Variants in CSMD1 observed in about 807,000 individuals in gnomAD.
The protein encoded by CSMD1 is CUB and Sushi multiple domains 1.
Under a neutral mutation model 417.5 loss-of-function variants are expected in CSMD1, and 213 were observed. That is an observed-to-expected ratio of 0.51 (90% CI 0.46 to 0.57). CSMD1 has a LOEUF of 0.57. Among genes scored for constraint, CSMD1 ranks in the 20% least tolerant of loss-of-function variants. The pLI, the probability that CSMD1 is intolerant of heterozygous loss-of-function variation, is 0.00. For synonymous variants in CSMD1, 2,862 were observed against 1,736.8 expected, an observed-to-expected ratio of 1.65 and a Z score of -16.11; for missense variants, 6,923 against 4,529.7, an observed-to-expected ratio of 1.53 and a Z score of -15.17.
intron 57 of CSMD1, among the ~76,000 whole-genome samples, chr8:2,969,079 C>A (rs1001128041): frequency 6.6e-6 from 1 of 152,020 alleles, no homozygotes; most frequent in Non-Finnish European, 1.5e-5. Flanking sequence ...TAAACCTGAG[C>A]AATCAATTTA....
chr8:3,689,764 C>T (rs1012625970), intron 7 of CSMD1, among the ~76,000 whole-genome samples: 1 of 152,074 alleles, frequency 6.6e-6, no homozygotes, highest in African/African-American at 2.4e-5. Context: ...AGCAGAGGCC[C>T]AGAGTTATAA....
chr8:4,411,260 T>A (rs77579838), intron 3 of CSMD1, among the ~76,000 whole-genome samples: 11 of 152,198 alleles, frequency 7.2e-5, no homozygotes, highest in African/African-American at 2.7e-4. Context: ...AAATTGATTA[T>A]GAAATGGGCT....
At chr8:3,557,911 C>T (rs1177295809) in intron 10 of CSMD1, among the ~76,000 whole-genome samples, 1 of 152,180 alleles carries the variant, frequency 6.6e-6, no homozygotes, top group Non-Finnish European at 1.5e-5. Context: ...ATACGGTCAA[C>T]TCCCTAAATA....
intron 3 of CSMD1, among the ~76,000 whole-genome samples, chr8:4,264,254 G>C (rs185701918): frequency 1.2e-3 from 186 of 152,218 alleles, no homozygotes; most frequent in Admixed American, 2.3e-3. Context: ...ATAATTTTAA[G>C]AATAGACTCA....
At chr8:4,442,273 A>G (rs1424041357) in intron 2 of CSMD1, among the ~76,000 whole-genome samples, 3 of 152,166 alleles carry the variant, frequency 2.0e-5, no homozygotes, top group Non-Finnish European at 4.4e-5. Context: ...TGTTTTTATA[A>G]CAGTAAAAAA....
At position 3,145,995 on chromosome 8, in the gene CSMD1, A is replaced by C. The variant is rs190333826; in HGVS notation, c.6032-3321T>G. 1.1e-4 allele frequency among the ~76,000 whole-genome samples: 16 copies of C among 152,342 alleles called. No homozygotes were observed. The East Asian group carries it at 2.9e-3, about 28-fold the overall frequency. On this transcript the variant is annotated intron_variant, in intron 40 of 69. Transcript: ENST00000635120. ...TAAACCCTAGTTTTTAGTTGATAGA[A>C]CCTGTGAATATTACTTCCTCTGTTT... is the stretch of plus-strand genomic sequence containing the variant.
At chr8:4,435,245 T>G (rs560705293) in intron 2 of CSMD1, among the ~76,000 whole-genome samples, 1 of 151,860 alleles carries the variant, frequency 6.6e-6, no homozygotes, top group African/African-American at 2.4e-5. Context: ...TTGAAAAAAA[T>G]GTATGTTTTA....
intron 2 of CSMD1, among the ~76,000 whole-genome samples, chr8:4,461,586 C>A (rs184059943): frequency 1.3e-5 from 2 of 150,014 alleles, no homozygotes; most frequent in East Asian, 3.9e-4. Flanking sequence ...TACATCATCC[C>A]GTTGCCCAGT....
chr8:4,489,563 CA>C (rs1372355674), intron 2 of CSMD1, among the ~76,000 whole-genome samples: 2 of 152,110 alleles, frequency 1.3e-5, no homozygotes, highest in African/African-American at 4.8e-5. Context: ...ATGAAGGTGC[CA>C]CCCTCCCCAT....
At chr8:3,586,948 C>A (rs532577867) in intron 8 of CSMD1, among the ~76,000 whole-genome samples, 16 of 152,234 alleles carry the variant, frequency 1.1e-4, no homozygotes, top group African/African-American at 3.8e-4. Flanking sequence ...TACAGATGTG[C>A]ACAACTAGGC....
chr8:4,445,747 T>G (rs1173287230), intron 2 of CSMD1, among the ~76,000 whole-genome samples: 1 of 147,478 alleles, frequency 6.8e-6, no homozygotes, highest in Non-Finnish European at 1.5e-5. Context: ...TATCCAATAA[T>G]AGACGGTCCT....
chr8:4,217,070 C>G lies in CSMD1; in HGVS notation c.416-184971G>C, dbSNP rs574088602. Among the ~76,000 whole-genome samples, 23 of 152,278 alleles carry G rather than the reference C, an allele frequency of 1.5e-4. No individual in the cohort carries two copies. The South Asian group carries it at 3.9e-3, about 26-fold the overall frequency. On this transcript the variant is annotated intron_variant, in intron 3 of 69. Coordinates refer to ENST00000635120, the MANE Select transcript of CSMD1 (RefSeq NM_033225.6). The stretch of plus-strand genomic sequence containing the variant: ...CATTAAATCAGGTAGTGTCCTGTGT[C>G]TGTTATACAATATAGTAGATAGGGG...
intron 23 of CSMD1, among the ~76,000 whole-genome samples, chr8:3,318,705 G>C (rs1376552573): frequency 6.6e-6 from 1 of 152,088 alleles, no homozygotes. Context: ...TTGCTTTTTG[G>C]GTGGTGGTCA....
At position 4,156,223 on chromosome 8, in the gene CSMD1, G is replaced by T. The variant is rs144222055; in HGVS notation, c.416-124124C>A. Among the ~76,000 whole-genome samples the T allele has an allele frequency of 4.2e-3, 641 of 152,222 alleles. 3 individuals carry two copies. The highest frequency in any genetic ancestry group is 0.014 in the African/African-American group (591 of 41,510). ...GACTGGGATCACTGTGATATCCTTG[G>T]GGTGGTAGCAAAATCTTTCTTTTTA... On this transcript the variant is annotated intron_variant, in intron 3 of 69. Transcript: ENST00000635120.
At chr8:3,872,504 G>GA (rs1285916972) in intron 5 of CSMD1, among the ~76,000 whole-genome samples, 1 of 152,170 alleles carries the variant, frequency 6.6e-6, no homozygotes, top group Non-Finnish European at 1.5e-5. Flanking sequence ...CCTGGTGCCT[G>GA]AACTAGGTAA....
chr8:4,709,557 G>T (rs1482729311), intron 1 of CSMD1, among the ~76,000 whole-genome samples: 1 of 152,220 alleles, frequency 6.6e-6, no homozygotes, highest in Non-Finnish European at 1.5e-5. Flanking sequence ...AGCCTCTGTC[G>T]TTGCTCACCG....
chr8:4,120,849 A>G (rs981787553), intron 3 of CSMD1, among the ~76,000 whole-genome samples: 1 of 152,218 alleles, frequency 6.6e-6, no homozygotes, highest in African/African-American at 2.4e-5. Context: ...GAAGTCTTTT[A>G]AAATTACAGA....
In CSMD1 at chr8:3,050,705, T is replaced by C. The variant is rs1427809911; in HGVS notation, c.7660+1757A>G. Among the ~76,000 whole-genome samples the C allele has an allele frequency of 3.9e-5, 6 of 152,060 alleles. No homozygotes were observed. In the South Asian group the frequency reaches 1.2e-3, roughly 31 times the overall value. ...TCAATATTGTCTGACTCTCAGGAAA[T>C]GCAATAAAAATGATGAAATAAAGAA... On this transcript the variant is annotated intron_variant, in intron 50 of 69. Transcript: ENST00000635120.
At chr8:4,038,003 C>A (rs571400902) in intron 3 of CSMD1, among the ~76,000 whole-genome samples, 2 of 152,072 alleles carry the variant, frequency 1.3e-5, no homozygotes, top group African/African-American at 2.4e-5. Flanking sequence ...ATTTTAGTCA[C>A]TTTATTCCCA....
Sources: gnomAD v4.1 joint callset for allele counts (sites outside exome capture counted in the v4.1 genomes callset) on GRCh38, gnomAD v4.1.1 for gene constraint, MANE v1.5 for transcripts, NCBI Gene and HGNC (gene_info 2026-07-23, HGNC 2026-07-21) for gene names.